PTPRN2: variants seen among roughly 807,000 people sequenced by gnomAD.
The protein encoded by PTPRN2 is protein tyrosine phosphatase receptor type N2.
Under a neutral mutation model 118.8 loss-of-function variants are expected in PTPRN2, and 74 were observed. The observed-to-expected ratio is 0.62, with a 90% CI of 0.52 to 0.76. The LOEUF (loss-of-function observed/expected upper bound fraction) is 0.76. Among genes scored for constraint, PTPRN2 ranks in the 30% least tolerant of loss-of-function variants. PTPRN2 has a pLI of 0.00. For synonymous variants in PTPRN2, 641 were observed against 608.0 expected (o/e 1.05, Z -0.80); for missense variants, 1,481 against 1,394.4 (o/e 1.06, Z -0.99).
chr7:158,015,289 T>C lies in PTPRN2; in HGVS notation c.1723+66009A>G, dbSNP rs147219948. ...TGAACTTCTCTAAGCCATTATACCTTTAGTTCCCTCTTCCCCACTTGTTCT... is the reference window on the plus strand; with the variant it reads ...TGAACTTCTCTAAGCCATTATACCTCTAGTTCCCTCTTCCCCACTTGTTCT... On this transcript the variant is annotated intron_variant, in intron 11 of 22. Transcript: ENST00000389418. This position sits in a 1 kb window ranked among gnomAD's most constrained non-coding sequence, Gnocchi z 4.2. Among the ~76,000 whole-genome samples, 2 of 152,324 alleles carry C rather than the reference T, an allele frequency of 1.3e-5. No homozygotes were observed. Among genetic ancestry groups the C allele is most frequent in the East Asian group, 3.9e-4 (2 of 5,172 alleles).
intron 6 of PTPRN2, among the ~76,000 whole-genome samples, chr7:158,139,462 G>C (rs1819167083): frequency 6.6e-6 from 1 of 152,050 alleles, no homozygotes; most frequent in African/African-American, 2.4e-5. Flanking sequence ...TCACCCCTGG[G>C]GCATCCAAGC....
chr7:157,657,247 A>C (rs1464288200), intron 13 of PTPRN2, among the ~76,000 whole-genome samples: 1 of 109,098 alleles, frequency 9.2e-6, no homozygotes, highest in African/African-American at 3.8e-5. Flanking sequence ...CACCACACAC[A>C]TCACACATAT....
Position 158,518,210 on chromosome 7 carries a change from C to T in PTPRN2, c.113-28425G>A, listed in dbSNP as rs147679328. Among the ~76,000 whole-genome samples the T allele has an allele frequency of 2.2e-3, 332 of 152,136 alleles. 2 individuals are homozygous for T. Among genetic ancestry groups the T allele is most frequent in the African/African-American group, 7.8e-3 (323 of 41,518 alleles). The stretch of plus-strand genomic sequence containing the variant: ...TATCAATTAATTAATAGAGACGATA[C>T]GGATTTCATGGGGTGGGAGGATATG... On this transcript the variant is annotated intron_variant, in intron 1 of 22. Coordinates refer to ENST00000389418, the MANE Select transcript of PTPRN2 (RefSeq NM_002847.5).
At chr7:158,394,716 A>G (rs10949723) in intron 2 of PTPRN2, among the ~76,000 whole-genome samples, 148,167 of 152,342 alleles carry the variant, frequency 0.97, 72,087 homozygotes, top group African/African-American at 0.99. Flanking sequence ...AGCTTCCAGC[A>G]TTCAGGACGG....
rs1007049670 is a variant in PTPRN2, at chr7:157,794,408, T to A, written c.1788+104265A>T. On this transcript the variant is annotated intron_variant, in intron 12 of 22. Transcript: ENST00000389418. The surrounding 1 kb of genome is among the most constrained non-coding windows in gnomAD (Gnocchi z 5.2). ...GCACTCGGGCAGTGCGGTGACCAATTATAGCGTCGACGATGGCAGCTTCCC... is the reference window on the plus strand; with the variant it reads ...GCACTCGGGCAGTGCGGTGACCAATAATAGCGTCGACGATGGCAGCTTCCC... Among the ~76,000 whole-genome samples the A allele has an allele frequency of 6.6e-6, 1 of 152,194 alleles. No individual in the cohort carries two copies. Among genetic ancestry groups the A allele is most frequent in the African/African-American group, 2.4e-5 (1 of 41,452 alleles).
intron 12 of PTPRN2, among the ~76,000 whole-genome samples, chr7:157,759,506 C>A (rs143020357): frequency 1.1e-3 from 164 of 152,334 alleles, no homozygotes; most frequent in South Asian, 6.6e-3. Flanking sequence ...ATCAGGGCCG[C>A]TTCATTAAAG....
At chr7:158,385,635 G>A (rs1811272864) in intron 2 of PTPRN2, among the ~76,000 whole-genome samples, 1 of 152,104 alleles carries the variant, frequency 6.6e-6, no homozygotes, top group Admixed American at 6.5e-5. Flanking sequence ...CCTTTTAATG[G>A]GGTTTAGATA....
At chr7:158,061,580 A>G (rs1329483284) in intron 11 of PTPRN2, among the ~76,000 whole-genome samples, 1 of 152,164 alleles carries the variant, frequency 6.6e-6, no homozygotes, top group Non-Finnish European at 1.5e-5. Context: ...TGGTGTCCAC[A>G]ATTACTTGTG....
At chr7:158,269,439 G>A (rs533944161) in intron 3 of PTPRN2, among the ~76,000 whole-genome samples, 44 of 152,282 alleles carry the variant, frequency 2.9e-4, no homozygotes, top group East Asian at 7.7e-4. Context: ...CCCAGTCCCC[G>A]GGGCATACCT....
intron 6 of PTPRN2, among the ~76,000 whole-genome samples, chr7:158,150,226 G>A (rs892584380): frequency 8.5e-5 from 13 of 152,218 alleles, no homozygotes; most frequent in African/African-American, 3.1e-4. Context: ...ACTGGCCAAG[G>A]CAGAAAAATA....
chr7:158,219,483 C>G (rs960684523), intron 3 of PTPRN2, among the ~76,000 whole-genome samples: 8 of 151,180 alleles, frequency 5.3e-5, no homozygotes, highest in Non-Finnish European at 1.0e-4. Context: ...CTCAAATTAA[C>G]AACATAACAT....
intron 2 of PTPRN2, among the ~76,000 whole-genome samples, chr7:158,478,480 G>A (rs546412586): frequency 3.9e-5 from 6 of 152,336 alleles, no homozygotes; most frequent in South Asian, 2.1e-4. Context: ...CCCGCTCTGC[G>A]TCTCAAAGAA....
chr7:157,709,390 C>T (rs1339217209), intron 12 of PTPRN2, among the ~76,000 whole-genome samples: 4 of 152,198 alleles, frequency 2.6e-5, no homozygotes, highest in South Asian at 2.1e-4. Context: ...GGTCCTCCTG[C>T]GGGTAGCTGA....
chr7:157,550,539 G>C lies in PTPRN2; in HGVS notation c.2903-1520C>G, dbSNP rs1229199407. 1.3e-5 allele frequency among the ~76,000 whole-genome samples: 2 copies of C among 152,212 alleles called. No homozygotes were observed. The highest frequency in any genetic ancestry group is 2.4e-5 in the African/African-American group (1 of 41,456). On this transcript the variant is annotated intron_variant, in intron 21 of 22. Transcript: ENST00000389418. This position sits in a 1 kb window ranked among gnomAD's most constrained non-coding sequence, Gnocchi z 5.2. ...CCCCACCTGCCCTGCCTGGCTGGTG[G>C]GTCTCCCCACCTTTGAGCACAGAAG...
chr7:158,228,410 G>A (rs1828953904), intron 3 of PTPRN2, among the ~76,000 whole-genome samples: 2 of 152,016 alleles, frequency 1.3e-5, no homozygotes, highest in African/African-American at 4.8e-5. Context: ...GCTTTCCAAG[G>A]TGAAATTTTT....
intron 1 of PTPRN2, among the ~76,000 whole-genome samples, chr7:158,575,731 G>T (rs1418770033): frequency 6.6e-6 from 1 of 152,154 alleles, no homozygotes; most frequent in Non-Finnish European, 1.5e-5. Flanking sequence ...AACTACATAA[G>T]TATCCAAATT....
At chr7:158,249,439 C>G (rs1796516259) in intron 3 of PTPRN2, among the ~76,000 whole-genome samples, 1 of 151,708 alleles carries the variant, frequency 6.6e-6, no homozygotes, top group Non-Finnish European at 1.5e-5. Context: ...CACACACATG[C>G]ACACCATACA....
At chr7:157,897,999 T>A (rs1797231763) in intron 12 of PTPRN2, among the ~76,000 whole-genome samples, 1 of 152,290 alleles carries the variant, frequency 6.6e-6, no homozygotes, top group Non-Finnish European at 1.5e-5. Flanking sequence ...CATTAAGTTG[T>A]CATGTCAGGG....
chr7:158,231,285 T>C (rs887324731), intron 3 of PTPRN2, among the ~76,000 whole-genome samples: 1 of 152,022 alleles, frequency 6.6e-6, no homozygotes, highest in Non-Finnish European at 1.5e-5. Context: ...AAAAAAGATA[T>C]TCCATGCAAG....
Sources: gnomAD v4.1 joint callset for allele counts (sites outside exome capture counted in the v4.1 genomes callset) on GRCh38, gnomAD v4.1.1 for gene constraint, Gnocchi (gnomAD v3.1) non-coding constraint, MANE v1.5 for transcripts, NCBI Gene and HGNC (gene_info 2026-07-23, HGNC 2026-07-21) for gene names.